CENPP: variants seen among roughly 807,000 people sequenced by gnomAD.
CENPP encodes the protein centromere protein P.
A neutral mutation model predicts 35.6 loss-of-function variants in CENPP; 24 were observed. The ratio of observed to expected loss-of-function variants is 0.67; its 90% CI spans 0.49 to 0.95. CENPP has a LOEUF of 0.95. CENPP is among the 40% of genes least tolerant of loss of function. The probability of loss-of-function intolerance (pLI) is 0.00; values close to 1 mark genes in which losing one functional copy is unlikely to be tolerated. For missense variants in CENPP, 332 were observed against 345.3 expected, an observed-to-expected ratio of 0.96 and a Z score of 0.31; for synonymous variants, 120 against 125.5, an observed-to-expected ratio of 0.96 and a Z score of 0.29.
Position 92,615,912 on chromosome 9 carries a change from C to G in CENPP, c.*2763C>G. 6.2e-7 allele frequency: 1 copy of G among 1,614,182 alleles called. No homozygotes were observed. Among genetic ancestry groups the G allele is most frequent in the Non-Finnish European group, 8.5e-7 (1 of 1,180,040 alleles). ...ATCACGGCGTTGTCTTTGGCACGTACAGTCTTTGAATAATAGTTGACGATC... is the reference window on the plus strand; with the variant it reads ...ATCACGGCGTTGTCTTTGGCACGTAGAGTCTTTGAATAATAGTTGACGATC... On this transcript the variant is annotated 3_prime_UTR_variant, in exon 8 of 8. Transcript: ENST00000375587.
At chr9:92,474,742 CTCATCATCATCATCATCA>C (rs3078372) in intron 5 of CENPP, 87 of 1,534,634 alleles carry the variant, frequency 5.7e-5, no homozygotes, top group Non-Finnish European at 7.0e-5. Flanking sequence ...GAGAGTTGTC[CTCATCATCATCATCATCA>C]TCATCATCAT....
chr9:92,385,766 C>T (rs1408615190), intron 5 of CENPP: 1 of 1,613,836 alleles, frequency 6.2e-7, no homozygotes, highest in Non-Finnish European at 8.5e-7. Context: ...AATGTGTCAT[C>T]TGTAATTGAA....
rs564569037 is a variant in CENPP at position 92,329,246 on chromosome 9, G to A, written c.108-2924G>A. Among the ~76,000 whole-genome samples the A allele has an allele frequency of 8.2e-5, 12 of 147,098 alleles. 1 individual carries two copies. The highest frequency in any genetic ancestry group is 7.9e-4 in the East Asian group (4 of 5,058). ...GTCGCCCAGGCTGGAGTGTGGTGGC[G>A]CAACCTCAGCTCACTGCAACCTCCG... On this transcript the variant is annotated intron_variant, in intron 1 of 7. Transcript: ENST00000375587.
At chr9:92,587,774 G>A (rs1228668532) in intron 5 of CENPP, among the ~76,000 whole-genome samples, 1 of 152,174 alleles carries the variant, frequency 6.6e-6, no homozygotes, top group Non-Finnish European at 1.5e-5. Flanking sequence ...GGAAATAGAG[G>A]TGGTGGTTGC....
rs1846160779 is a variant in CENPP at position 92,491,075 on chromosome 9, A to T, written c.564+111216A>T. On this transcript the variant is annotated intron_variant, in intron 5 of 7. Coordinates refer to ENST00000375587, the MANE Select transcript of CENPP (RefSeq NM_001012267.3). ...CTACTTTGCACAAATTCAGGGGTTT[A>T]AGAAATGAGTTGTCTCTGTTAAGTT... Among the ~76,000 whole-genome samples, 3 of 152,234 alleles carry T rather than the reference A, an allele frequency of 2.0e-5. No homozygotes were observed. The South Asian group carries it at 6.2e-4, about 32-fold the overall frequency.
At chr9:92,541,151 C>T (rs1240339846) in intron 5 of CENPP, among the ~76,000 whole-genome samples, 2 of 151,830 alleles carry the variant, frequency 1.3e-5, no homozygotes, top group East Asian at 1.9e-4. Flanking sequence ...CCCAGCTACT[C>T]GGAAGGCTGA....
chr9:92,415,360 CAGA>C (rs756070103), intron 5 of CENPP: 452 of 1,613,328 alleles, frequency 2.8e-4, no homozygotes, highest in Non-Finnish European at 3.5e-4. Flanking sequence ...ATGAGGGAAG[CAGA>C]AGAAGATGTA....
chr9:92,619,745 G>A lies in CENPP; in HGVS notation c.*6596G>A, dbSNP rs1851566376. On this transcript the variant is annotated 3_prime_UTR_variant, in exon 8 of 8. Coordinates refer to ENST00000375587, the MANE Select transcript of CENPP (RefSeq NM_001012267.3). The stretch of plus-strand genomic sequence containing the variant: ...GGAGGTCGCCCTGTGAGAGCACCTG[G>A]GCCAGCCCTCAGTGCCACGGGGCTG... 11 of 623,244 alleles carry A rather than the reference G, an allele frequency of 1.8e-5. No homozygotes were observed. In the Admixed American group the frequency reaches 2.6e-4, roughly 15 times the overall value. 38.6% of individuals were successfully genotyped at this position (623,244 alleles called of 1,614,324 possible).
At chr9:92,398,411 C>T (rs182635663) in intron 5 of CENPP, among the ~76,000 whole-genome samples, 8 of 152,264 alleles carry the variant, frequency 5.3e-5, no homozygotes, top group East Asian at 1.9e-4. Flanking sequence ...CAGAGAACTG[C>T]CATCCCCTCT....
chr9:92,601,460 C>T (rs1003482509), intron 5 of CENPP, among the ~76,000 whole-genome samples: 1 of 152,170 alleles, frequency 6.6e-6, no homozygotes, highest in Non-Finnish European at 1.5e-5. Flanking sequence ...TGTGATGATA[C>T]AAAGTGCTCG....
At chr9:92,344,665 A>G (rs1841229586) in intron 3 of CENPP, among the ~76,000 whole-genome samples, 1 of 151,750 alleles carries the variant, frequency 6.6e-6, no homozygotes, top group African/African-American at 2.4e-5. Context: ...CTCCTGCCTC[A>G]GCCTCCCGAG....
At chr9:92,456,993 G>T in intron 5 of CENPP, 3 of 1,124,844 alleles carry the variant, frequency 2.7e-6, no homozygotes, top group Non-Finnish European at 2.2e-6. Context: ...GTTAAATACC[G>T]AATATCTTAC....
At chr9:92,496,105 G>A in intron 5 of CENPP, 1 of 1,186,834 alleles carries the variant, frequency 8.4e-7, no homozygotes, top group Non-Finnish European at 1.0e-6. Flanking sequence ...GTAGGAAACT[G>A]AGAGATTTTA....
intron 4 of CENPP, among the ~76,000 whole-genome samples, chr9:92,356,855 C>T (rs1841601064): frequency 6.6e-6 from 1 of 152,124 alleles, no homozygotes; most frequent in Admixed American, 6.5e-5. Context: ...ATTTATGTTC[C>T]TCTGCCGCAG....
At chr9:92,394,818 G>C (rs527326748) in intron 5 of CENPP, among the ~76,000 whole-genome samples, 2 of 151,788 alleles carry the variant, frequency 1.3e-5, no homozygotes, top group East Asian at 3.9e-4. Flanking sequence ...TGTTGGCCAG[G>C]CTGCTTTCGA....
intron 5 of CENPP, chr9:92,502,711 C>T: frequency 7.4e-7 from 1 of 1,344,348 alleles, no homozygotes. Flanking sequence ...CGTTCAATTT[C>T]ATGGAGACTA....
chr9:92,481,463 A>G (rs548473663), intron 5 of CENPP, among the ~76,000 whole-genome samples: 7 of 152,268 alleles, frequency 4.6e-5, no homozygotes, highest in African/African-American at 1.7e-4. Flanking sequence ...CCATGTGGCC[A>G]CTGTTTCCTG....
chr9:92,608,964 C>A (rs1445588616), intron 5 of CENPP, among the ~76,000 whole-genome samples: 1 of 152,224 alleles, frequency 6.6e-6, no homozygotes. Context: ...CTGGCCCAGG[C>A]CCCAGCCGTC....
rs767816355 is a variant in CENPP at position 92,613,197 on chromosome 9, T to C, written c.*48T>C. The C allele has an allele frequency of 1.2e-5, 19 of 1,610,716 alleles. No homozygotes were observed. The highest frequency in any genetic ancestry group is 1.6e-5 in the Non-Finnish European group (19 of 1,177,192). On this transcript the variant is annotated 3_prime_UTR_variant, in exon 8 of 8. Coordinates refer to ENST00000375587, the MANE Select transcript of CENPP (RefSeq NM_001012267.3). The stretch of plus-strand genomic sequence containing the variant: ...GATGAAGATGCTGCGTGGAGGAACA[T>C]GCAATTTTATTCAATATAAACATTT...
Sources: gnomAD v4.1 joint callset for allele counts (sites outside exome capture counted in the v4.1 genomes callset) on GRCh38, gnomAD v4.1.1 for gene constraint, MANE v1.5 for transcripts, NCBI Gene and HGNC (gene_info 2026-07-23, HGNC 2026-07-21) for gene names.